TMEM132E: variants seen among roughly 807,000 people sequenced by gnomAD.
TMEM132E encodes the protein transmembrane protein 132E.
A neutral mutation model predicts 78.5 loss-of-function variants in TMEM132E; 49 were observed. The ratio of observed to expected loss-of-function variants is 0.62; its 90% CI spans 0.50 to 0.79. The LOEUF (loss-of-function observed/expected upper bound fraction) is 0.79. Among genes scored for constraint, TMEM132E ranks in the 30% least tolerant of loss-of-function variants. The pLI is 0.00. For missense variants in TMEM132E, 1,403 were observed against 1,470.9 expected (o/e 0.95, Z 0.75); for synonymous variants, 715 against 670.6 (o/e 1.07, Z -1.02).
chr17:34,635,395 A>C (rs1315354872), intron 7 of TMEM132E, among the ~76,000 whole-genome samples: 1 of 152,136 alleles, frequency 6.6e-6, no homozygotes, highest in Non-Finnish European at 1.5e-5. Context: ...GTGATCTAGG[A>C]ACTCAACTTT....
rs758443764 is a variant in TMEM132E, at chr17:34,627,083, T to C, written c.998+26T>C. ...GTAGTAGGGAAGATGGGTGGGGATC[T>C]GGTTTCCCTTCCAAGATCAAATGCA... On this transcript the variant is annotated intron_variant, in intron 2 of 8. Transcript: ENST00000631683. 7.2e-6 allele frequency: 11 copies of C among 1,523,606 alleles called. No homozygotes were observed. The East Asian group carries it at 2.4e-4, about 33-fold the overall frequency. 94.4% of individuals were successfully genotyped at this position (1,523,606 alleles called of 1,614,324 possible).
rs1907552870 is a variant in TMEM132E, at chr17:34,637,281, G to A, written c.2274G>A (p.Glu758=). 2 of 1,614,146 alleles carry A rather than the reference G, an allele frequency of 1.2e-6. No homozygotes were observed. Among genetic ancestry groups the A allele is most frequent in the African/African-American group, 1.3e-5 (1 of 75,084 alleles). ...DYGLLVSSLD[E]HVATVTQDRA... is the part of the protein sequence containing the mutation. ...GACTGCTAGTGAGCAGCCTGGATGA[G>A]CATGTGGCCACTGTGACCCAGGACC... Residue 758 remains glutamate (E), a synonymous_variant, in exon 9 of 9, where the codon GAG becomes GAA. Transcript: ENST00000631683.
chr17:34,585,979 T>A (rs1158827480), intron 1 of TMEM132E, among the ~76,000 whole-genome samples: 3 of 152,130 alleles, frequency 2.0e-5, no homozygotes, highest in African/African-American at 7.2e-5. Context: ...GCCACAGGAA[T>A]TTCACCTACT....
intron 1 of TMEM132E, among the ~76,000 whole-genome samples, chr17:34,604,329 G>A (rs186241784): frequency 7.2e-5 from 11 of 152,232 alleles, no homozygotes; most frequent in East Asian, 1.9e-4. Context: ...CATTCTGAGC[G>A]CTCTCCCTAG....
chr17:34,638,256 A>ACC lies in TMEM132E; in HGVS notation c.*34_*35dup, dbSNP rs746915644. 18,436 of 1,228,176 alleles carry ACC rather than the reference A, an allele frequency of 0.015. 108 individuals carry two copies. The highest frequency in any genetic ancestry group is 0.1 in the East Asian group (3,403 of 33,192). The allele number at this position is 1,228,176 out of a possible 1,614,324, so 76.1% of individuals were successfully genotyped here. A position where few individuals can be genotyped will look rare whatever the true frequency, so the allele number is the denominator to read the frequency against. On this transcript the variant is annotated 3_prime_UTR_variant, in exon 9 of 9. Transcript: ENST00000631683. Reference sequence around the variant, plus strand: ...AGAGGCGCCAGCCGGAGTAGCAGGGACCCCCCCCCCCAACGGGGTCAGCTC... The same window carrying ACC: ...AGAGGCGCCAGCCGGAGTAGCAGGGACCCCCCCCCCCCCAACGGGGTCAGCTC...
chr17:34,617,751 A>AT (rs1906828810), intron 1 of TMEM132E, among the ~76,000 whole-genome samples: 1 of 152,238 alleles, frequency 6.6e-6, no homozygotes, highest in African/African-American at 2.4e-5. Flanking sequence ...GCTCTTTCTT[A>AT]TTTTTTTAAG....
intron 4 of TMEM132E, among the ~76,000 whole-genome samples, chr17:34,629,704 G>A (rs547186895): frequency 6.6e-6 from 1 of 152,294 alleles, no homozygotes; most frequent in Non-Finnish European, 1.5e-5. Context: ...ATGTTACTGT[G>A]TGAGTCCTGA....
rs567813669 is a variant in TMEM132E at position 34,622,737 on chromosome 17, G to A, written c.68-3390G>A. ...ACAAAAATATATTGAGGGCCTGCCT[G>A]CTATGTGCCAGGCCATGTTGTAAGC... On this transcript the variant is annotated intron_variant, in intron 1 of 8. Transcript: ENST00000631683. Among the ~76,000 whole-genome samples, 6 of 152,344 alleles carry A rather than the reference G, an allele frequency of 3.9e-5. 1 individual carries two copies. Among genetic ancestry groups the A allele is most frequent in the African/African-American group, 1.4e-4 (6 of 41,578 alleles).
chr17:34,594,101 T>G (rs1165670286), intron 1 of TMEM132E, among the ~76,000 whole-genome samples: 2 of 152,198 alleles, frequency 1.3e-5, no homozygotes, highest in African/African-American at 4.8e-5. Context: ...CTGCTCTGTT[T>G]CCCTTCACCT....
chr17:34,581,002 G>A lies in TMEM132E; in HGVS notation c.-75G>A. On this transcript the variant is annotated 5_prime_UTR_variant, in exon 1 of 9. The change creates a new upstream start codon in the 5' untranslated region. Coordinates refer to ENST00000631683, the MANE Select transcript of TMEM132E (RefSeq NM_001304438.2). Reference sequence around the variant, plus strand: ...GCGCCACGGCAGCCCTGAGTTGGATGTGACCAAGCCCAGCCTGGGGCCAAG... The same window carrying A: ...GCGCCACGGCAGCCCTGAGTTGGATATGACCAAGCCCAGCCTGGGGCCAAG... The A allele has an allele frequency of 1.5e-6, 2 of 1,330,720 alleles. No homozygotes were observed. The highest frequency in any genetic ancestry group is 1.4e-5 in the South Asian group (1 of 69,676). The allele number at this position is 1,330,720 out of a possible 1,614,324, so 82.4% of individuals were successfully genotyped here. A position where few individuals can be genotyped will look rare whatever the true frequency, so the allele number is the denominator to read the frequency against.
At chr17:34,588,836 C>T (rs1905764852) in intron 1 of TMEM132E, among the ~76,000 whole-genome samples, 1 of 152,168 alleles carries the variant, frequency 6.6e-6, no homozygotes, top group South Asian at 2.1e-4. Flanking sequence ...TCACTGCAAC[C>T]ACTGTCTCCT....
intron 4 of TMEM132E, 26 bp from the exon 5 acceptor site, chr17:34,629,982 G>C (rs201102310): frequency 6.3e-7 from 1 of 1,583,302 alleles, no homozygotes; most frequent in South Asian, 1.1e-5. Flanking sequence ...ACCACAAGTA[G>C]AGCCCCCCCC....
intron 1 of TMEM132E, among the ~76,000 whole-genome samples, chr17:34,621,816 C>CTGTG (rs34320048): frequency 1.1e-3 from 165 of 149,472 alleles, no homozygotes; most frequent in Middle Eastern, 3.5e-3. Context: ...AGGTGCCAGC[C>CTGTG]TGTGTGTGTG....
In TMEM132E at chr17:34,637,476, C is replaced by A. The variant is rs769722270; in HGVS notation, c.2469C>A (p.Asp823Glu). 6.2e-7 allele frequency: 1 copy of A among 1,611,646 alleles called. No homozygotes were observed. Among genetic ancestry groups the A allele is most frequent in the Non-Finnish European group, 8.5e-7 (1 of 1,179,334 alleles). The change falls in exon 9 of 9, where the codon GAC becomes GAA. Residue 823 changes from aspartate (D) to glutamate (E), a missense_variant. Asp to Glu is a conservative substitution (Grantham distance 45, BLOSUM62 2). This residue lies in a region of TMEM132E where 888 missense variants were observed against 952.8 expected (regional missense o/e 0.93). Transcript: ENST00000631683. ...GGGACGAGGAGGACCCCACTTATGA[C>A]TACCCGGGCCCCAGCCAACCAGGGC... is the stretch of plus-strand genomic sequence containing the variant. ...FGRDEEDPTY[D>E]YPGPSQPGPG... is the part of the protein sequence containing the mutation.
Position 34,635,091 on chromosome 17 carries a change from G to C in TMEM132E, c.1977+4G>C. The C allele has an allele frequency of 6.2e-7, 1 of 1,607,336 alleles. No homozygotes were observed. Among genetic ancestry groups the C allele is most frequent in the South Asian group, 1.1e-5 (1 of 90,172 alleles). On this transcript the variant is annotated splice_donor_region_variant and intron_variant, in intron 7 of 8. Transcript: ENST00000631683. ...GCCAGGCACCACCCCCTTTAAGGTA[G>C]GTATGGGCTCTGTCCCAGCACAAAG...
intron 1 of TMEM132E, among the ~76,000 whole-genome samples, chr17:34,606,585 C>T (rs868788873): frequency 1.3e-5 from 2 of 152,202 alleles, no homozygotes; most frequent in Non-Finnish European, 2.9e-5. Context: ...ACCTCCCCTT[C>T]GCCCTCACAG....
At position 34,636,076 on chromosome 17, in the gene TMEM132E, A is replaced by G. The variant is rs2142087724; in HGVS notation, c.2047A>G (p.Ile683Val). 1.3e-6 allele frequency: 2 copies of G among 1,592,798 alleles called. No individual in the cohort carries two copies. Among genetic ancestry groups the G allele is most frequent in the East Asian group, 4.7e-5 (2 of 42,338 alleles). ...GACGGTGACTGAGGAGAAGGTCAGC[A>G]TCACACAGCTTCAGGCCCAGGTGGT... Reference protein sequence around the residue: ...LLTVTEEKVSITQLQAQVVAS... With the variant: ...LLTVTEEKVSVTQLQAQVVAS... The change falls in exon 8 of 9, where the codon ATC becomes GTC. Residue 683 changes from isoleucine (I) to valine (V), a missense_variant. This residue lies in a region of TMEM132E where 888 missense variants were observed against 952.8 expected (regional missense o/e 0.93). Transcript: ENST00000631683.
At chr17:34,602,921 G>A (rs1417792301) in intron 1 of TMEM132E, among the ~76,000 whole-genome samples, 5 of 152,188 alleles carry the variant, frequency 3.3e-5, no homozygotes, top group Non-Finnish European at 7.3e-5. Flanking sequence ...TCATTGCAAA[G>A]AGAGATGCCA....
chr17:34,582,639 G>A (rs539888924), intron 1 of TMEM132E, among the ~76,000 whole-genome samples: 3 of 152,198 alleles, frequency 2.0e-5, no homozygotes, highest in African/African-American at 7.2e-5. Flanking sequence ...GAGCATAGCG[G>A]GGAACCAGAA....
Sources: allele counts gnomAD v4.1 joint callset (sites outside exome capture counted in the v4.1 genomes callset), GRCh38; gene constraint gnomAD v4.1.1; regional missense constraint gnomAD v4.1.1; transcripts MANE v1.5; gene names NCBI Gene and HGNC (gene_info 2026-07-23, HGNC 2026-07-21).